HEATR5B: variants seen among roughly 807,000 people sequenced by gnomAD.
The protein encoded by HEATR5B is HEAT repeat containing 5B, also known as HEAT repeat-containing protein 5B.
In HEATR5B, 156 loss-of-function variants were observed where a neutral mutation model predicts 224.1. The observed-to-expected ratio is 0.70, with a 90% CI of 0.61 to 0.80. The LOEUF (loss-of-function observed/expected upper bound fraction) is 0.80. HEATR5B is among the 30% of genes least tolerant of loss of function. The probability of loss-of-function intolerance (pLI) is 0.00; values close to 1 mark genes in which losing one functional copy is unlikely to be tolerated. For synonymous variants in HEATR5B, 1,027 were observed against 893.0 expected (o/e 1.15, Z -2.68); for missense variants, 2,323 against 2,535.5 (o/e 0.92, Z 1.80).
At chr2:37,015,846 G>C (rs756535771) in intron 26 of HEATR5B, among the ~76,000 whole-genome samples, 4 of 151,978 alleles carry the variant, frequency 2.6e-5, no homozygotes, top group Non-Finnish European at 5.9e-5. Context: ...CCCACACAAA[G>C]GTGATAACTA....
At chr2:37,080,934 T>G (rs1226474793) in intron 2 of HEATR5B, among the ~76,000 whole-genome samples, 2 of 152,210 alleles carry the variant, frequency 1.3e-5, no homozygotes, top group African/African-American at 2.4e-5. Flanking sequence ...ATAACAATCT[T>G]ATTGTTTAAT....
In HEATR5B at chr2:37,083,248, C is replaced by G. The variant is rs372521361; in HGVS notation, c.126+41G>C. The stretch of plus-strand genomic sequence containing the variant: ...CTTAAGAATCATGACCACATAATCT[C>G]TTCACGTTAATGCAACTGGGAAAAA... On this transcript the variant is annotated intron_variant, in intron 2 of 35. Transcript: ENST00000233099. The G allele has an allele frequency of 8.1e-6, 13 of 1,610,050 alleles. No individual in the cohort carries two copies. The African/African-American group carries it at 1.6e-4, about 20-fold the overall frequency.
chr2:36,999,770 T>C (rs566028937), intron 33 of HEATR5B, among the ~76,000 whole-genome samples: 136 of 149,624 alleles, frequency 9.1e-4, no homozygotes, highest in African/African-American at 3.2e-3. Flanking sequence ...GCTAGCAACT[T>C]TGGGAGGCCA....
intron 21 of HEATR5B, among the ~76,000 whole-genome samples, chr2:37,033,555 T>C (rs1202393218): frequency 1.3e-5 from 2 of 152,110 alleles, no homozygotes; most frequent in Non-Finnish European, 2.9e-5. Flanking sequence ...GCAAACATAA[T>C]CACCTGAAAA....
Position 37,065,768 on chromosome 2 carries a change from T to C in HEATR5B, c.1320A>G (p.Gln440=). 6.2e-7 allele frequency: 1 copy of C among 1,613,370 alleles called. No individual in the cohort carries two copies. Among genetic ancestry groups the C allele is most frequent in the African/African-American group, 1.3e-5 (1 of 75,016 alleles). ...SLNATASPLI[Q]EASIGLLEIV... ...TGAATGTCATACCTATAGATGCTTC[T>C]TGAATAAGAGGGGATGCGGTGGCAT... Residue 440 remains glutamine (Q), a synonymous_variant, in exon 9 of 36, where the codon CAA becomes CAG. Coordinates refer to ENST00000233099, the MANE Select transcript of HEATR5B (RefSeq NM_019024.3).
At chr2:37,063,897 C>T (rs377096657) in intron 10 of HEATR5B, among the ~76,000 whole-genome samples, 2 of 152,038 alleles carry the variant, frequency 1.3e-5, no homozygotes, top group South Asian at 2.1e-4. Context: ...CTGCAACCTC[C>T]GCCTCCTGGG....
intron 17 of HEATR5B, among the ~76,000 whole-genome samples, chr2:37,052,816 C>CT (rs1199732625): frequency 6.6e-6 from 1 of 152,220 alleles, no homozygotes; most frequent in Non-Finnish European, 1.5e-5. Flanking sequence ...AGAGATGATT[C>CT]TCATCCTAGG....
At chr2:37,058,175 T>A (rs1671030226) in intron 14 of HEATR5B, among the ~76,000 whole-genome samples, 1 of 152,172 alleles carries the variant, frequency 6.6e-6, no homozygotes, top group Non-Finnish European at 1.5e-5. Context: ...AAGTTAAGTT[T>A]CTTTAAGTCT....
chr2:37,064,242 G>T (rs147486496), intron 10 of HEATR5B, among the ~76,000 whole-genome samples: 1 of 149,948 alleles, frequency 6.7e-6, no homozygotes, highest in African/African-American at 2.5e-5. Context: ...TGAAAGAAAA[G>T]CTCTGACTTT....
chr2:36,988,382 C>T (rs1481872640), intron 35 of HEATR5B, among the ~76,000 whole-genome samples: 1 of 152,018 alleles, frequency 6.6e-6, no homozygotes, highest in Non-Finnish European at 1.5e-5. Flanking sequence ...CCTGCTTCAG[C>T]CTCCCAAGTA....
At chr2:37,033,757 C>G (rs1016498492) in intron 21 of HEATR5B, among the ~76,000 whole-genome samples, 2 of 152,182 alleles carry the variant, frequency 1.3e-5, no homozygotes, top group African/African-American at 4.8e-5. Flanking sequence ...AGTTACTCAG[C>G]CCCTCTGTGC....
At chr2:37,065,668 T>C (rs1335473852) in intron 9 of HEATR5B, 87 bp downstream of exon 9, 2 of 1,126,006 alleles carry the variant, frequency 1.8e-6, no homozygotes, top group Non-Finnish European at 2.6e-6. Flanking sequence ...ATGATGATGA[T>C]AAGCAACTAA....
In HEATR5B at chr2:37,040,511, G is replaced by C; in HGVS notation, c.2864C>G (p.Ser955Cys). The change falls in exon 20 of 36, where the codon TCT (serine) becomes TGT (cysteine). Residue 955 changes from serine (S) to cysteine (C), a missense_variant. Physicochemically the swap from Ser to Cys is moderately radical, Grantham distance 112. Coordinates refer to ENST00000233099, the MANE Select transcript of HEATR5B (RefSeq NM_019024.3). ...CACTATCAAAGCAAGTGAATGAAGA[G>C]ACCAAGTCTAGAATAAAATATAATT... ...DGTSPEVQTW[S>C]LHSLALIVDS... The C allele has an allele frequency of 6.2e-7, 1 of 1,602,756 alleles. No homozygotes were observed.
intron 10 of HEATR5B, among the ~76,000 whole-genome samples, chr2:37,064,418 C>G (rs934567096): frequency 3.3e-5 from 5 of 151,652 alleles, no homozygotes; most frequent in Non-Finnish European, 7.4e-5. Context: ...TCCCCAGTAG[C>G]TAGGACCATG....
intron 5 of HEATR5B, 97 bp downstream of exon 5, chr2:37,075,388 C>G: frequency 3.3e-6 from 3 of 913,450 alleles, no homozygotes; most frequent in Non-Finnish European, 4.8e-6. Context: ...CATTGGAACA[C>G]AAAACATAAT....
chr2:37,030,500 G>T (rs1032653252), intron 22 of HEATR5B, among the ~76,000 whole-genome samples: 1 of 152,102 alleles, frequency 6.6e-6, no homozygotes, highest in East Asian at 1.9e-4. Context: ...TTGGTTAGAG[G>T]ACAAATTCCT....
intron 2 of HEATR5B, among the ~76,000 whole-genome samples, chr2:37,081,260 G>A (rs1007523255): frequency 2.0e-5 from 3 of 152,004 alleles, no homozygotes; most frequent in East Asian, 3.8e-4. Context: ...TAGGGTACAT[G>A]TGCACAATGT....
chr2:37,070,050 A>T (rs1194363055), intron 7 of HEATR5B, among the ~76,000 whole-genome samples, 180 bp downstream of exon 7: 2 of 152,080 alleles, frequency 1.3e-5, no homozygotes, highest in African/African-American at 2.4e-5. Context: ...GGCATGCGCC[A>T]CCACACCTGG....
chr2:36,985,635 T>G (rs990833299), intron 35 of HEATR5B, among the ~76,000 whole-genome samples: 2 of 145,898 alleles, frequency 1.4e-5, no homozygotes, highest in African/African-American at 5.2e-5. Flanking sequence ...TTTTTTTTTT[T>G]TTTTTTTTTT....
Sources: allele counts gnomAD v4.1 joint callset (sites outside exome capture counted in the v4.1 genomes callset), GRCh38; gene constraint gnomAD v4.1.1; transcripts MANE v1.5; gene names NCBI Gene and HGNC (gene_info 2026-07-23, HGNC 2026-07-21).